The following FGF1 variants were observed in gnomAD, a reference collection of about 807,000 sequenced individuals.
The protein encoded by FGF1 is fibroblast growth factor 1, also known as beta-endothelial cell growth factor.
In FGF1, 9 loss-of-function variants were observed where a neutral mutation model predicts 13.4. The ratio of observed to expected loss-of-function variants is 0.67; its 90% confidence interval spans 0.40 to 1.17. The LOEUF is 1.17. FGF1 is among the 50% of genes most tolerant of loss of function. The pLI, the probability that FGF1 is intolerant of heterozygous loss-of-function variation, is 0.01. For synonymous variants in FGF1, 93 were observed against 79.0 expected (o/e 1.18, Z -0.94); for missense variants, 156 against 192.7 (o/e 0.81, Z 1.13).
intron 1 of FGF1, among the ~76,000 whole-genome samples, chr5:142,624,885 TGA>T (rs1222090360): frequency 2.0e-5 from 3 of 152,270 alleles, no homozygotes; most frequent in Non-Finnish European, 4.4e-5. Context: ...CAAACTGTCC[TGA>T]GACTTAAAGT....
At chr5:142,629,756 TTTA>T (rs992595100) in intron 1 of FGF1, among the ~76,000 whole-genome samples, 4 of 151,240 alleles carry the variant, frequency 2.6e-5, no homozygotes, top group African/African-American at 9.7e-5. Flanking sequence ...TCATCCTGTC[TTTA>T]TTATTATTAT....
chr5:142,618,920 A>C (rs1489517957), intron 1 of FGF1, among the ~76,000 whole-genome samples: 1 of 97,056 alleles, frequency 1.0e-5, no homozygotes, highest in Non-Finnish European at 2.1e-5. Flanking sequence ...TTTATTTTTT[A>C]GTTGTTTTGT....
intron 1 of FGF1, among the ~76,000 whole-genome samples, chr5:142,680,378 G>A (rs1345739748): frequency 2.0e-5 from 3 of 152,190 alleles, no homozygotes; most frequent in African/African-American, 7.2e-5. Flanking sequence ...ATGGCAACTG[G>A]AGAAAGACAC....
chr5:142,628,337 C>T (rs144107074), intron 1 of FGF1, among the ~76,000 whole-genome samples: 142 of 152,188 alleles, frequency 9.3e-4, no homozygotes, highest in African/African-American at 3.0e-3. Context: ...GATGAAACCC[C>T]GTCTCTACTA....
intron 1 of FGF1, among the ~76,000 whole-genome samples, chr5:142,661,258 T>C (rs1769170903): frequency 6.6e-6 from 1 of 152,138 alleles, no homozygotes. Context: ...CTCAACCCCA[T>C]TTGCCACCAG....
chr5:142,679,813 G>A (rs372668269), intron 1 of FGF1: 6 of 152,326 alleles, frequency 3.9e-5, no homozygotes, highest in East Asian at 3.9e-4. Context: ...ATGGCCTAGC[G>A]GGGGAACCTA....
At chr5:142,622,181 G>T (rs888949976) in intron 1 of FGF1, among the ~76,000 whole-genome samples, 1 of 152,214 alleles carries the variant, frequency 6.6e-6, no homozygotes, top group Non-Finnish European at 1.5e-5. Context: ...TCTGTTGAAT[G>T]GGCAAATGAA....
intron 1 of FGF1, among the ~76,000 whole-genome samples, chr5:142,684,060 C>A (rs1027989044): frequency 2.0e-5 from 3 of 152,168 alleles, no homozygotes; most frequent in African/African-American, 4.8e-5. Flanking sequence ...CTTTGCACTG[C>A]GGACTCGCCC....
chr5:142,626,317 C>G (rs554586870), intron 1 of FGF1, among the ~76,000 whole-genome samples: 1 of 152,136 alleles, frequency 6.6e-6, no homozygotes, highest in Non-Finnish European at 1.5e-5. Flanking sequence ...CTGAGTTCCC[C>G]CATTTGGCAG....
intron 1 of FGF1, among the ~76,000 whole-genome samples, chr5:142,638,052 C>A (rs1231086143): frequency 1.3e-5 from 2 of 152,002 alleles, no homozygotes; most frequent in Non-Finnish European, 2.9e-5. Context: ...AGACAGCGAA[C>A]AAAGCATGGC....
chr5:142,671,889 C>G (rs1057454219), intron 1 of FGF1: 3 of 152,158 alleles, frequency 2.0e-5, no homozygotes, highest in Admixed American at 2.0e-4. Context: ...GAAAAATGAC[C>G]TTGTCTGTGG....
upstream of FGF1, among the ~76,000 whole-genome samples, chr5:142,688,738 G>A (rs1362375008): frequency 6.6e-6 from 1 of 152,246 alleles, no homozygotes; most frequent in African/African-American, 2.4e-5. Flanking sequence ...CCACAGAGAC[G>A]TGGGCTTGCC....
intron 1 of FGF1, among the ~76,000 whole-genome samples, chr5:142,635,064 G>A (rs17223437): frequency 3.0e-4 from 46 of 152,248 alleles, no homozygotes; most frequent in Non-Finnish European, 5.1e-4. Flanking sequence ...CGGAAAGGCA[G>A]GGGCTGAATG....
At chr5:142,634,219 T>G (rs1597240298) in intron 1 of FGF1, among the ~76,000 whole-genome samples, 1 of 148,678 alleles carries the variant, frequency 6.7e-6, no homozygotes, top group African/African-American at 2.5e-5. Flanking sequence ...AAAAACTCCC[T>G]CTAGTGAAAT....
rs1430289422 is a variant in FGF1 at position 142,606,212 on chromosome 5, C to CTGTGTGTGTGTG, written c.170-5408_170-5407insCACACACACACA. 2.0e-3 allele frequency among the ~76,000 whole-genome samples: 121 copies of CTGTGTGTGTGTG among 60,082 alleles called. 2 individuals carry two copies. The highest frequency in any genetic ancestry group is 9.8e-3 in the African/African-American group (109 of 11,066). 39.4% of individuals were successfully genotyped at this position (60,082 alleles called of 152,430 possible). ...AAGCACAAAATCTGCAACATTCTTTCTCTCTCTGTGTGTGTGTGTGTGTGT... is the reference window on the plus strand; with the variant it reads ...AAGCACAAAATCTGCAACATTCTTTCTGTGTGTGTGTGTCTCTCTGTGTGTGTGTGTGTGTGT... On this transcript the variant is annotated intron_variant, in intron 2 of 3. Transcript: ENST00000337706.
At position 142,601,250 on chromosome 5, in the gene FGF1, C is replaced by T. The variant is rs17217359; in HGVS notation, c.170-445G>A. 2.2e-3 allele frequency: 888 copies of T among 407,178 alleles called. 8 individuals carry two copies. The East Asian group carries it at 0.032, about 15-fold the overall frequency. The allele number at this position is 407,178 out of a possible 1,614,324, so 25.2% of individuals were successfully genotyped here. A position where few individuals can be genotyped will look rare whatever the true frequency, so the allele number is the denominator to read the frequency against. Reference sequence around the variant, plus strand: ...GTTCTGCTTTCATTATCAACCTGCACAGGGGTGCCTTTTAATTGTCTGGGC... The same window carrying T: ...GTTCTGCTTTCATTATCAACCTGCATAGGGGTGCCTTTTAATTGTCTGGGC... On this transcript the variant is annotated intron_variant, in intron 2 of 3. Coordinates refer to ENST00000337706, the MANE Select transcript of FGF1 (RefSeq NM_000800.5).
At chr5:142,610,811 C>T (rs953429957) in intron 2 of FGF1, among the ~76,000 whole-genome samples, 12 of 152,288 alleles carry the variant, frequency 7.9e-5, no homozygotes, top group African/African-American at 2.2e-4. Flanking sequence ...ATTAGAACAG[C>T]CCACACACAA....
chr5:142,608,797 A>ATG (rs3083618), intron 2 of FGF1, among the ~76,000 whole-genome samples: 1,859 of 144,720 alleles, frequency 0.013, 27 homozygotes, highest in East Asian at 0.088. Flanking sequence ...GTGATATATT[A>ATG]TGTGTGTGTG....
At chr5:142,680,789 C>T (rs185088318) in intron 1 of FGF1, 5 of 152,320 alleles carry the variant, frequency 3.3e-5, no homozygotes, top group Non-Finnish European at 7.3e-5. Context: ...TGTTCCCTCT[C>T]ATAGTCACAA....
Sources: allele counts gnomAD v4.1 joint callset (sites outside exome capture counted in the v4.1 genomes callset), GRCh38; gene constraint gnomAD v4.1.1; transcripts MANE v1.5; gene names NCBI Gene and HGNC (gene_info 2026-07-23, HGNC 2026-07-21).